The following CEP112 variants were observed in gnomAD, a reference collection of about 807,000 sequenced individuals.
CEP112 encodes centrosomal protein of 112 kDa.
CEP112 carries 127 observed loss-of-function variants against 153.0 expected under a neutral mutation model. The ratio of observed to expected loss-of-function variants is 0.83; its 90% confidence interval spans 0.72 to 0.96. The LOEUF is 0.96. Ranked by LOEUF, CEP112 falls within the 40% of genes least tolerant of loss-of-function variation. CEP112 has a pLI of 0.00. For synonymous variants in CEP112, 358 were observed against 374.4 expected, an observed-to-expected ratio of 0.96 and a Z score of 0.51; for missense variants, 1,089 against 1,101.2, an observed-to-expected ratio of 0.99 and a Z score of 0.16.
intron 20 of CEP112, among the ~76,000 whole-genome samples, chr17:65,877,907 A>G (rs527843635): frequency 1.3e-5 from 2 of 152,326 alleles, no homozygotes; most frequent in African/African-American, 4.8e-5. Context: ...ATGAACCTGG[A>G]GGATATTACG....
chr17:66,117,553 C>T (rs1452057997), intron 6 of CEP112, among the ~76,000 whole-genome samples: 2 of 152,166 alleles, frequency 1.3e-5, no homozygotes, highest in African/African-American at 4.8e-5. Flanking sequence ...GTATAACCAG[C>T]AAAATACCAA....
At chr17:66,113,572 T>TTCTGAA (rs1598377936) in intron 6 of CEP112, among the ~76,000 whole-genome samples, 1 of 152,206 alleles carries the variant, frequency 6.6e-6, no homozygotes, top group Non-Finnish European at 1.5e-5. Context: ...GCATTTCAAC[T>TTCTGAA]ATGCAGAAGT....
intron 16 of CEP112, among the ~76,000 whole-genome samples, chr17:66,009,057 T>G (rs1482179071): frequency 2.6e-5 from 4 of 152,142 alleles, no homozygotes; most frequent in Non-Finnish European, 4.4e-5. Flanking sequence ...GAAGTGGAAA[T>G]TGCTGAATGA....
chr17:65,649,073 A>ACACACACACACAC (rs2045597016), intron 24 of CEP112, among the ~76,000 whole-genome samples: 3 of 139,864 alleles, frequency 2.1e-5, no homozygotes, highest in Non-Finnish European at 4.8e-5. Context: ...CAAACAAACA[A>ACACACACACACAC]ACACACACAC....
intron 24 of CEP112, among the ~76,000 whole-genome samples, chr17:65,683,680 G>A (rs912839039): frequency 6.6e-5 from 10 of 152,292 alleles, no homozygotes; most frequent in East Asian, 1.9e-4. Flanking sequence ...CAGGGAAGAC[G>A]GAAGGAAGGA....
intron 12 of CEP112, among the ~76,000 whole-genome samples, 172 bp from the exon 13 acceptor site, chr17:66,030,195 A>G (rs1002799564): frequency 1.3e-5 from 2 of 152,250 alleles, no homozygotes; most frequent in Non-Finnish European, 2.9e-5. Context: ...CTTTAAAAAA[A>G]CAATGCATAC....
At chr17:66,137,927 A>G (rs1296352584) in intron 4 of CEP112, among the ~76,000 whole-genome samples, 1 of 152,208 alleles carries the variant, frequency 6.6e-6, no homozygotes, top group South Asian at 2.1e-4. Flanking sequence ...CTCTATTGAT[A>G]TAATAGTGGT....
chr17:66,064,198 A>T (rs891648718), intron 10 of CEP112, among the ~76,000 whole-genome samples: 1 of 152,206 alleles, frequency 6.6e-6, no homozygotes, highest in African/African-American at 2.4e-5. Flanking sequence ...TCAACTTTTT[A>T]TCCACAGGGC....
At chr17:66,094,714 C>G (rs776110447) in intron 8 of CEP112, among the ~76,000 whole-genome samples, 7 of 152,062 alleles carry the variant, frequency 4.6e-5, no homozygotes, top group Non-Finnish European at 8.8e-5. Flanking sequence ...AAAAAGACAG[C>G]CTACACAATG....
intron 20 of CEP112, among the ~76,000 whole-genome samples, chr17:65,892,491 G>T (rs541345919): frequency 6.6e-6 from 1 of 151,582 alleles, no homozygotes; most frequent in South Asian, 2.1e-4. Context: ...ATGTTTTTAC[G>T]AAACACCAAC....
intron 23 of CEP112, among the ~76,000 whole-genome samples, chr17:65,709,136 C>T (rs1673425812): frequency 6.6e-6 from 1 of 152,144 alleles, no homozygotes; most frequent in South Asian, 2.1e-4. Flanking sequence ...ATAATCTCCC[C>T]TTTATAGGGA....
At chr17:66,064,196 T>C (rs1225807978) in intron 10 of CEP112, among the ~76,000 whole-genome samples, 2 of 152,194 alleles carry the variant, frequency 1.3e-5, no homozygotes, top group Non-Finnish European at 2.9e-5. Context: ...TTTCAACTTT[T>C]TATCCACAGG....
At chr17:66,190,788 C>T (rs2073135575) in intron 1 of CEP112, among the ~76,000 whole-genome samples, 1 of 152,046 alleles carries the variant, frequency 6.6e-6, no homozygotes, top group East Asian at 1.9e-4. Flanking sequence ...GCAAACATAA[C>T]CAAACCACAA....
intron 24 of CEP112, among the ~76,000 whole-genome samples, chr17:65,673,324 G>GC (rs944797485): frequency 2.0e-5 from 3 of 151,970 alleles, no homozygotes; most frequent in African/African-American, 7.3e-5. Context: ...AATCTCTCTA[G>GC]CCCCCCCGCC....
chr17:66,130,845 T>C (rs183732718), intron 5 of CEP112, among the ~76,000 whole-genome samples: 84 of 151,712 alleles, frequency 5.5e-4, no homozygotes, highest in South Asian at 2.1e-4. Flanking sequence ...AATTCCATGC[T>C]TTTTTCCCTC....
Position 65,677,134 on chromosome 17 carries a change from C to T in CEP112, c.2697+11995G>A, listed in dbSNP as rs979724609. Among the ~76,000 whole-genome samples, 10 of 152,130 alleles carry T rather than the reference C, an allele frequency of 6.6e-5. 1 individual carries two copies. The South Asian group carries it at 1.5e-3, about 22-fold the overall frequency. ...AAAAACTGGACAATCTGGCTGTCAG[C>T]GTGCTCTTTACCTCCTATTTCTTCT... On this transcript the variant is annotated intron_variant, in intron 24 of 26. Coordinates refer to ENST00000535342, the MANE Select transcript of CEP112 (RefSeq NM_001199165.4).
intron 1 of CEP112, among the ~76,000 whole-genome samples, chr17:66,185,156 G>T (rs1023581618): frequency 6.6e-6 from 1 of 152,054 alleles, no homozygotes; most frequent in Non-Finnish European, 1.5e-5. Context: ...ATCTATGTAG[G>T]AAGTTATAAG....
chr17:66,045,227 G>C (rs1174798562), intron 12 of CEP112, among the ~76,000 whole-genome samples: 1 of 151,770 alleles, frequency 6.6e-6, no homozygotes, highest in East Asian at 1.9e-4. Context: ...GCACTACCAC[G>C]CCCGGCTAAT....
intron 20 of CEP112, among the ~76,000 whole-genome samples, chr17:65,883,680 T>G (rs1568166893): frequency 6.6e-6 from 1 of 152,194 alleles, no homozygotes; most frequent in Non-Finnish European, 1.5e-5. Context: ...AGTTTATATT[T>G]TACTCTAAGT....
Sources: allele counts gnomAD v4.1 joint callset (sites outside exome capture counted in the v4.1 genomes callset), GRCh38; gene constraint gnomAD v4.1.1; transcripts MANE v1.5; gene names NCBI Gene and HGNC (gene_info 2026-07-23, HGNC 2026-07-21).